LARS2: variants seen among roughly 807,000 people sequenced by gnomAD.
The protein encoded by LARS2 is leucine--tRNA ligase, mitochondrial.
A neutral mutation model predicts 116.6 loss-of-function variants in LARS2; 81 were observed. The observed-to-expected ratio is 0.69, with a 90% CI of 0.58 to 0.84. LARS2 has a LOEUF of 0.84. LARS2 is among the 40% of genes least tolerant of loss of function. LARS2 has a pLI of 0.00. For missense variants in LARS2, 968 were observed against 1,114.5 expected, an observed-to-expected ratio of 0.87 and a Z score of 1.87; for synonymous variants, 396 against 407.2, an observed-to-expected ratio of 0.97 and a Z score of 0.33.
chr3:45,488,953 A>G, intron 12 of LARS2, 141 bp downstream of exon 12: 1 of 657,662 alleles, frequency 1.5e-6, no homozygotes, highest in Non-Finnish European at 2.8e-6. Flanking sequence ...TATCAGAACA[A>G]AATAATATTC....
chr3:45,435,654 C>G (rs1169578787), intron 6 of LARS2, among the ~76,000 whole-genome samples: 1 of 151,506 alleles, frequency 6.6e-6, no homozygotes, highest in African/African-American at 2.4e-5. Context: ...CCTCTCTCTT[C>G]TTTCTTTTTC....
intron 6 of LARS2, among the ~76,000 whole-genome samples, chr3:45,428,359 T>A (rs1698634005): frequency 7.0e-6 from 1 of 143,646 alleles, no homozygotes; most frequent in Non-Finnish European, 1.5e-5. Context: ...TTCTCCTGCC[T>A]CAGCCGCCCG....
At chr3:45,509,364 G>A (rs931646676) in intron 15 of LARS2, 1 of 152,142 alleles carries the variant, frequency 6.6e-6, no homozygotes, top group Non-Finnish European at 1.5e-5. Context: ...TACCCCAATT[G>A]TGAATCTGAA....
chr3:45,392,599 A>G lies in LARS2; in HGVS notation c.-22+951A>G, dbSNP rs543320834. On this transcript the variant is annotated intron_variant, in intron 2 of 21. Coordinates refer to ENST00000645846, the MANE Select transcript of LARS2 (RefSeq NM_015340.4). ...CGTGAACCATTGCCCGTGGCCTAAG[A>G]GAGATTTTTTTTTTTAAGTCTGCAC... is the stretch of plus-strand genomic sequence containing the variant. Among the ~76,000 whole-genome samples, 37 of 151,900 alleles carry G rather than the reference A, an allele frequency of 2.4e-4. 2 individuals carry two copies. In the South Asian group the frequency reaches 6.7e-3, roughly 27 times the overall value.
At chr3:45,430,318 G>T (rs1282996664) in intron 6 of LARS2, among the ~76,000 whole-genome samples, 2 of 141,334 alleles carry the variant, frequency 1.4e-5, no homozygotes, top group African/African-American at 2.7e-5. Context: ...TGGCTCTGTC[G>T]CCCAGGCTGG....
At chr3:45,486,833 G>A (rs1190410963) in intron 11 of LARS2, among the ~76,000 whole-genome samples, 1 of 152,092 alleles carries the variant, frequency 6.6e-6, no homozygotes, top group African/African-American at 2.4e-5. Flanking sequence ...GGCTTTTGGG[G>A]GAGTTTTTTG....
chr3:45,542,738 G>C (rs998444836), intron 21 of LARS2, among the ~76,000 whole-genome samples: 1 of 152,174 alleles, frequency 6.6e-6, no homozygotes, highest in Non-Finnish European at 1.5e-5. Context: ...CAGTGAAGTT[G>C]GTCCACCTTG....
chr3:45,509,059 A>C (rs1700241639), intron 15 of LARS2, among the ~76,000 whole-genome samples: 1 of 152,120 alleles, frequency 6.6e-6, no homozygotes, highest in African/African-American at 2.4e-5. Context: ...GCTGTGCTTC[A>C]GTGCAAGCAA....
At chr3:45,523,935 T>A in intron 19 of LARS2, 62 bp from the exon 20 acceptor site, 1 of 1,201,044 alleles carries the variant, frequency 8.3e-7, no homozygotes, top group African/African-American at 1.5e-5. Flanking sequence ...ACATTAATGG[T>A]CTTTCTTACC....
chr3:45,424,996 TC>T (rs1383899257), intron 6 of LARS2, among the ~76,000 whole-genome samples: 10 of 152,218 alleles, frequency 6.6e-5, no homozygotes, highest in Admixed American at 6.5e-4. Flanking sequence ...TTGTATGGTT[TC>T]TAGTACAGAT....
intron 8 of LARS2, among the ~76,000 whole-genome samples, chr3:45,463,511 T>A (rs1383467979): frequency 6.6e-6 from 1 of 152,204 alleles, no homozygotes; most frequent in Admixed American, 6.5e-5. Context: ...TACTGAACCC[T>A]CACTTTAATC....
intron 8 of LARS2, among the ~76,000 whole-genome samples, chr3:45,467,960 C>A (rs908868428): frequency 1.3e-4 from 20 of 152,102 alleles, no homozygotes; most frequent in African/African-American, 4.8e-4. Context: ...TGGTGTTCAC[C>A]TATAGTATGC....
At chr3:45,544,369 T>C (rs757546734) in intron 21 of LARS2, among the ~76,000 whole-genome samples, 3 of 152,204 alleles carry the variant, frequency 2.0e-5, no homozygotes, top group Non-Finnish European at 4.4e-5. Context: ...TAAGCCTCAG[T>C]TTCCTGAGTT....
intron 3 of LARS2, among the ~76,000 whole-genome samples, chr3:45,395,189 C>G (rs778866778): frequency 3.9e-5 from 6 of 152,202 alleles, no homozygotes; most frequent in Non-Finnish European, 5.9e-5. Flanking sequence ...ACTGCCCCTT[C>G]CCTGGCAATC....
Position 45,549,204 on chromosome 3 carries a change from T to C in LARS2, c.*1674T>C, listed in dbSNP as rs887924423. The C allele has an allele frequency of 1.3e-5, 2 of 152,236 alleles. No individual in the cohort carries two copies. The highest frequency in any genetic ancestry group is 1.3e-4 in the Admixed American group (2 of 15,288). 9.4% of individuals were successfully genotyped at this position (152,236 alleles called of 1,614,324 possible). A position where few individuals can be genotyped will look rare whatever the true frequency, so the allele number is the denominator to read the frequency against. On this transcript the variant is annotated 3_prime_UTR_variant, in exon 22 of 22. Transcript: ENST00000645846. Reference sequence around the variant, plus strand: ...CAAAGTTTGAGAATCACTGGACACATTGATGCACTTGAGCCATCATTTCTA... The same window carrying C: ...CAAAGTTTGAGAATCACTGGACACACTGATGCACTTGAGCCATCATTTCTA...
chr3:45,414,670 G>A (rs854212), intron 4 of LARS2, among the ~76,000 whole-genome samples: 112,641 of 151,392 alleles, frequency 0.74, 43,321 homozygotes, highest in African/African-American at 0.9. Context: ...TCGAGATTAC[G>A]GTGAACTGAT....
Position 45,549,359 on chromosome 3 carries a change from T to G in LARS2, c.*1829T>G, listed in dbSNP as rs2125775407. ...AGAGCCGACTTGAATGTACTCAGTC[T>G]CATTGCACATGGCAGTGAATATGGA... On this transcript the variant is annotated 3_prime_UTR_variant, in exon 22 of 22. Transcript: ENST00000645846. 1 of 152,370 alleles carries G rather than the reference T, an allele frequency of 6.6e-6. No homozygotes were observed. 9.4% of individuals were successfully genotyped at this position (152,370 alleles called of 1,614,324 possible).
intron 20 of LARS2, among the ~76,000 whole-genome samples, chr3:45,535,363 A>AAAAAG (rs1478875911): frequency 6.8e-6 from 1 of 146,486 alleles, no homozygotes; most frequent in African/African-American, 2.5e-5. Context: ...AATTAAAAAA[A>AAAAAG]AAAAGAAAAG....
intron 10 of LARS2, among the ~76,000 whole-genome samples, chr3:45,478,856 T>C (rs1309186028): frequency 6.6e-6 from 1 of 152,204 alleles, no homozygotes; most frequent in African/African-American, 2.4e-5. Context: ...GCATTGAGTG[T>C]AATACAATGT....
Sources: allele counts gnomAD v4.1 joint callset (sites outside exome capture counted in the v4.1 genomes callset), GRCh38; gene constraint gnomAD v4.1.1; transcripts MANE v1.5; gene names NCBI Gene and HGNC (gene_info 2026-07-23, HGNC 2026-07-21).